IGF2BP2: variants seen among roughly 807,000 people sequenced by gnomAD.
IGF2BP2 encodes insulin like growth factor 2 mRNA binding protein 2, also known as insulin-like growth factor 2 mRNA-binding protein 2.
In IGF2BP2, 17 loss-of-function variants were observed where a neutral mutation model predicts 75.8. That is an observed-to-expected ratio of 0.22 (90% CI 0.15 to 0.34). The LOEUF (loss-of-function observed/expected upper bound fraction) is 0.34. Ranked by LOEUF, IGF2BP2 falls within the 10% of genes least tolerant of loss-of-function variation. IGF2BP2 has a pLI of 1.00. For synonymous variants in IGF2BP2, 288 were observed against 295.6 expected, an observed-to-expected ratio of 0.97 and a Z score of 0.26; for missense variants, 516 against 772.4, an observed-to-expected ratio of 0.67 and a Z score of 3.93.
At chr3:185,673,740 G>A (rs1412664013) in intron 9 of IGF2BP2, among the ~76,000 whole-genome samples, 2 of 152,012 alleles carry the variant, frequency 1.3e-5, no homozygotes, top group Middle Eastern at 3.2e-3. Flanking sequence ...AGCAGTGCTC[G>A]TATCCTTCAT....
intron 2 of IGF2BP2, among the ~76,000 whole-genome samples, chr3:185,759,399 A>G (rs1309274619): frequency 6.6e-6 from 1 of 152,250 alleles, no homozygotes; most frequent in Non-Finnish European, 1.5e-5. Flanking sequence ...GAAGTCAAGG[A>G]AAAATGCCAT....
chr3:185,740,373 T>TAACAC (rs775398642), intron 2 of IGF2BP2, among the ~76,000 whole-genome samples: 3 of 152,198 alleles, frequency 2.0e-5, no homozygotes, highest in Non-Finnish European at 4.4e-5. Context: ...CTGAAATCAA[T>TAACAC]AACACACAGT....
chr3:185,781,380 C>T (rs1440915388), intron 2 of IGF2BP2, among the ~76,000 whole-genome samples: 1 of 152,022 alleles, frequency 6.6e-6, no homozygotes, highest in Non-Finnish European at 1.5e-5. Context: ...GTTGTCTGTC[C>T]CGAATAATAG....
intron 2 of IGF2BP2, among the ~76,000 whole-genome samples, chr3:185,767,626 T>C (rs1733267874): frequency 6.6e-6 from 1 of 152,114 alleles, no homozygotes. Flanking sequence ...AGTAATATAT[T>C]TGGGGAAATA....
At chr3:185,710,988 G>A (rs747932393) in intron 2 of IGF2BP2, among the ~76,000 whole-genome samples, 32 of 151,988 alleles carry the variant, frequency 2.1e-4, no homozygotes, top group Non-Finnish European at 4.4e-4. Flanking sequence ...CTAATGTCAC[G>A]TGATTTAAAT....
chr3:185,666,965 T>C (rs1323030158), intron 10 of IGF2BP2, among the ~76,000 whole-genome samples: 2 of 152,206 alleles, frequency 1.3e-5, no homozygotes, highest in Admixed American at 6.5e-5. Flanking sequence ...ATAGTAAAAG[T>C]TGGCCACCTT....
At position 185,647,975 on chromosome 3, in the gene IGF2BP2, GATCC is replaced by G. The variant is rs1240062095; in HGVS notation, c.1594-841_1594-838del. Among the ~76,000 whole-genome samples the G allele has an allele frequency of 6.6e-6, 1 of 152,260 alleles. No individual in the cohort carries two copies. The highest frequency in any genetic ancestry group is 1.5e-5 in the Non-Finnish European group (1 of 68,048). On this transcript the variant is annotated intron_variant, in intron 14 of 15. Transcript: ENST00000382199. This position sits in a 1 kb window ranked among gnomAD's most constrained non-coding sequence, Gnocchi z 4.9. ...GGGGCTCAGGATTCTACTCCCTGCT[GATCC>G]ATCTGCTTTCTTTTGCCTCCTACAT...
intron 2 of IGF2BP2, among the ~76,000 whole-genome samples, chr3:185,763,983 CAG>C (rs566821915): frequency 6.6e-6 from 1 of 151,992 alleles, no homozygotes; most frequent in East Asian, 1.9e-4. Flanking sequence ...GGAGTGAGGG[CAG>C]AGAGAGAAGA....
chr3:185,654,403 AAG>A (rs1715094607), intron 12 of IGF2BP2, among the ~76,000 whole-genome samples: 1 of 152,174 alleles, frequency 6.6e-6, no homozygotes, highest in Non-Finnish European at 1.5e-5. Flanking sequence ...CTGAGTAAGC[AAG>A]AGAGAGCAGA....
intron 2 of IGF2BP2, among the ~76,000 whole-genome samples, chr3:185,699,145 T>G (rs1196804325): frequency 6.6e-6 from 1 of 151,928 alleles, no homozygotes; most frequent in East Asian, 1.9e-4. Context: ...TTCAATTACT[T>G]TGGAAAAAAA....
In IGF2BP2 at chr3:185,699,954, C is replaced by A. The variant is rs77296834; in HGVS notation, c.240-1607G>T. ...TATAAGTTATGTAATTTTTTTTTAT[C>A]TTTGAGAACATGCTGGATATCCTGG... On this transcript the variant is annotated intron_variant, in intron 2 of 15. Transcript: ENST00000382199. Among the ~76,000 whole-genome samples, 181 of 151,862 alleles carry A rather than the reference C, an allele frequency of 1.2e-3. 4 individuals carry two copies. The East Asian group carries it at 0.032, about 27-fold the overall frequency.
intron 7 of IGF2BP2, 81 bp downstream of exon 7, chr3:185,686,976 A>T (rs572949753): frequency 1.6e-5 from 24 of 1,497,506 alleles, no homozygotes; most frequent in African/African-American, 9.9e-5. Context: ...TGGAGTTTTT[A>T]AAAAAAACCT....
At chr3:185,824,118 G>A (rs1383778648) in intron 1 of IGF2BP2, among the ~76,000 whole-genome samples, 2 of 152,166 alleles carry the variant, frequency 1.3e-5, no homozygotes, top group South Asian at 2.1e-4. Context: ...CAAGCGAGAG[G>A]GGACTGAGGT....
At chr3:185,723,922 T>G (rs989097859) in intron 2 of IGF2BP2, among the ~76,000 whole-genome samples, 2 of 152,154 alleles carry the variant, frequency 1.3e-5, no homozygotes. Flanking sequence ...TCGAGCAAAG[T>G]TGGGAGGCAA....
chr3:185,668,684 A>G (rs914678382), intron 10 of IGF2BP2, among the ~76,000 whole-genome samples: 5 of 151,798 alleles, frequency 3.3e-5, no homozygotes, highest in African/African-American at 1.2e-4. Flanking sequence ...AATAAAGCAA[A>G]GAGAATATCT....
intron 2 of IGF2BP2, among the ~76,000 whole-genome samples, chr3:185,710,860 A>G (rs1724695957): frequency 6.6e-6 from 1 of 152,182 alleles, no homozygotes; most frequent in African/African-American, 2.4e-5. Flanking sequence ...GAGGGTAGCC[A>G]GAAAAATAGC....
At chr3:185,772,558 CT>C (rs1401199224) in intron 2 of IGF2BP2, among the ~76,000 whole-genome samples, 4 of 150,364 alleles carry the variant, frequency 2.7e-5, no homozygotes, top group African/African-American at 9.8e-5. Flanking sequence ...TATACAACTC[CT>C]TTTCTTCCCT....
intron 2 of IGF2BP2, among the ~76,000 whole-genome samples, chr3:185,787,714 C>T (rs1392710347): frequency 1.4e-5 from 2 of 148,052 alleles, no homozygotes; most frequent in African/African-American, 5.1e-5. Context: ...GCCTGGGCAA[C>T]AGAGTGAGAC....
At chr3:185,651,071 G>T (rs540106035) in intron 13 of IGF2BP2, among the ~76,000 whole-genome samples, 2 of 152,202 alleles carry the variant, frequency 1.3e-5, no homozygotes, top group South Asian at 4.1e-4. Flanking sequence ...ACCACACCCA[G>T]CTACTTTAAA....
Sources: allele counts gnomAD v4.1 joint callset (sites outside exome capture counted in the v4.1 genomes callset), GRCh38; gene constraint gnomAD v4.1.1; non-coding constraint Gnocchi (gnomAD v3.1); transcripts MANE v1.5; gene names NCBI Gene and HGNC (gene_info 2026-07-23, HGNC 2026-07-21).